Variants in MACROD2 observed in about 807,000 individuals in gnomAD.
MACROD2 encodes mono-ADP ribosylhydrolase 2, also known as ADP-ribose glycohydrolase MACROD2.
Under a neutral mutation model 70.4 loss-of-function variants are expected in MACROD2, and 36 were observed. The observed-to-expected ratio is 0.51, with a 90% CI of 0.39 to 0.68. The LOEUF (loss-of-function observed/expected upper bound fraction) is 0.68. Ranked by LOEUF, MACROD2 falls within the 30% of genes least tolerant of loss-of-function variation. MACROD2 has a pLI of 0.00. For missense variants in MACROD2, 496 were observed against 538.4 expected, an observed-to-expected ratio of 0.92 and a Z score of 0.78; for synonymous variants, 172 against 178.8, an observed-to-expected ratio of 0.96 and a Z score of 0.30.
chr20:15,926,435 G>A (rs548727041), intron 10 of MACROD2, among the ~76,000 whole-genome samples: 3 of 152,180 alleles, frequency 2.0e-5, no homozygotes, highest in South Asian at 2.1e-4. Flanking sequence ...CCTTGCCTCC[G>A]TGGAGCTTAC....
intron 5 of MACROD2, among the ~76,000 whole-genome samples, chr20:14,720,057 A>G (rs2071446720): frequency 2.0e-5 from 3 of 152,210 alleles, no homozygotes; most frequent in African/African-American, 2.4e-5. Flanking sequence ...AAGCAATTGC[A>G]TATAATATAA....
chr20:14,426,687 G>C (rs963987891), intron 3 of MACROD2, among the ~76,000 whole-genome samples: 2 of 151,996 alleles, frequency 1.3e-5, no homozygotes, highest in Non-Finnish European at 2.9e-5. Context: ...TTTCTACTTA[G>C]GCAGATCAGA....
chr20:14,867,999 T>C (rs1272014666), intron 5 of MACROD2, among the ~76,000 whole-genome samples: 1 of 152,026 alleles, frequency 6.6e-6, no homozygotes, highest in African/African-American at 2.4e-5. Flanking sequence ...AGTGAAGAAT[T>C]TGTTGCTGTC....
intron 3 of MACROD2, among the ~76,000 whole-genome samples, chr20:14,477,070 C>T (rs1418997325): frequency 6.6e-6 from 1 of 152,082 alleles, no homozygotes; most frequent in Non-Finnish European, 1.5e-5. Flanking sequence ...CTGCAGTGGT[C>T]TCTTGTGTCC....
chr20:14,880,468 T>G (rs1263719610), intron 5 of MACROD2, among the ~76,000 whole-genome samples: 8 of 152,144 alleles, frequency 5.3e-5, no homozygotes, highest in Admixed American at 5.2e-4. Context: ...AAGGGAAACC[T>G]TCAAGAGCCC....
chr20:14,360,316 C>T (rs2083209615), intron 3 of MACROD2, among the ~76,000 whole-genome samples: 1 of 152,098 alleles, frequency 6.6e-6, no homozygotes, highest in Non-Finnish European at 1.5e-5. Context: ...TGTTAATTAG[C>T]TCAATTTAGC....
intron 8 of MACROD2, among the ~76,000 whole-genome samples, chr20:15,576,145 T>C: frequency 6.6e-6 from 1 of 152,102 alleles, no homozygotes; most frequent in East Asian, 1.9e-4. Context: ...TTCTTTTCTC[T>C]TTCTTTCTTT....
intron 3 of MACROD2, among the ~76,000 whole-genome samples, chr20:14,142,621 G>T (rs1397227524): frequency 1.3e-5 from 2 of 152,140 alleles, no homozygotes; most frequent in Non-Finnish European, 2.9e-5. Context: ...TCACCAAATT[G>T]ATTGCTTTAA....
chr20:14,655,215 T>C (rs1271743687), intron 4 of MACROD2, among the ~76,000 whole-genome samples: 1 of 152,152 alleles, frequency 6.6e-6, no homozygotes, highest in Non-Finnish European at 1.5e-5. Context: ...ATTTCATCTT[T>C]GTATTCTAAA....
intron 5 of MACROD2, among the ~76,000 whole-genome samples, chr20:15,051,153 CTGTT>C (rs1259028315): frequency 6.6e-6 from 1 of 152,084 alleles, no homozygotes; most frequent in African/African-American, 2.4e-5. Flanking sequence ...TAGATTTAAT[CTGTT>C]TAGTTAGGGA....
intron 5 of MACROD2, among the ~76,000 whole-genome samples, chr20:14,770,397 T>C (rs1159130230): frequency 6.6e-6 from 1 of 152,038 alleles, no homozygotes; most frequent in Non-Finnish European, 1.5e-5. Flanking sequence ...TTTCTCTTTT[T>C]AGCTTTGGTA....
chr20:14,677,212 G>A (rs1416310228), intron 4 of MACROD2, among the ~76,000 whole-genome samples: 1 of 152,020 alleles, frequency 6.6e-6, no homozygotes, highest in Non-Finnish European at 1.5e-5. Context: ...AAAAAATTGA[G>A]GTGTTTTCAT....
intron 4 of MACROD2, among the ~76,000 whole-genome samples, chr20:14,555,695 C>T (rs1978980673): frequency 6.6e-6 from 1 of 152,008 alleles, no homozygotes; most frequent in African/African-American, 2.4e-5. Context: ...GATATTGGCA[C>T]TAAGGAGAGG....
At chr20:14,661,661 T>A (rs780095316) in intron 4 of MACROD2, among the ~76,000 whole-genome samples, 15 of 151,436 alleles carry the variant, frequency 9.9e-5, no homozygotes, top group African/African-American at 1.7e-4. Flanking sequence ...CTAGGTTTTC[T>A]TCTAGGTAGA....
At chr20:14,404,162 T>C (rs1043587961) in intron 3 of MACROD2, among the ~76,000 whole-genome samples, 3 of 151,930 alleles carry the variant, frequency 2.0e-5, no homozygotes, top group African/African-American at 4.8e-5. Context: ...ACACAACACA[T>C]GAAAGAGAGA....
At chr20:15,447,080 G>GTGTGTGTGTC (rs1159210311) in intron 7 of MACROD2, among the ~76,000 whole-genome samples, 4 of 146,818 alleles carry the variant, frequency 2.7e-5, no homozygotes, top group South Asian at 2.3e-4. Context: ...GTGTGTGTGT[G>GTGTGTGTGTC]TGTGTGTCTG....
intron 8 of MACROD2, among the ~76,000 whole-genome samples, chr20:15,608,123 T>G (rs1439838943): frequency 6.6e-6 from 1 of 152,240 alleles, no homozygotes; most frequent in Non-Finnish European, 1.5e-5. Context: ...ATTCTTTAAC[T>G]TTGTAGATTG....
At position 15,118,971 on chromosome 20, in the gene MACROD2, T is replaced by C. The variant is rs149943724; in HGVS notation, c.419-110969T>C. ...AGCATCCACATTTTCATTCTGGGCA[T>C]GGAAACAATGTAAAACAGGTTTGGC... On this transcript the variant is annotated intron_variant, in intron 5 of 17. Transcript: ENST00000684519. Among the ~76,000 whole-genome samples the C allele has an allele frequency of 2.8e-3, 420 of 152,322 alleles. 4 individuals are homozygous for C. Among genetic ancestry groups the C allele is most frequent in the African/African-American group, 9.3e-3 (388 of 41,574 alleles).
intron 3 of MACROD2, among the ~76,000 whole-genome samples, chr20:14,295,747 A>G (rs1197319490): frequency 6.6e-6 from 1 of 151,992 alleles, no homozygotes; most frequent in Middle Eastern, 3.2e-3. Flanking sequence ...CACAAGCAGT[A>G]GTTCCAGATT....
Sources: gnomAD v4.1 joint callset for allele counts (sites outside exome capture counted in the v4.1 genomes callset) on GRCh38, gnomAD v4.1.1 for gene constraint, MANE v1.5 for transcripts, NCBI Gene and HGNC (gene_info 2026-07-23, HGNC 2026-07-21) for gene names.